ALK: variants seen among roughly 807,000 people sequenced by gnomAD.
ALK encodes the protein ALK tyrosine kinase receptor.
A neutral mutation model predicts 163.1 loss-of-function variants in ALK; 74 were observed. The observed-to-expected ratio is 0.45, with a 90% confidence interval of 0.38 to 0.55. The LOEUF is 0.55. ALK is among the 20% of genes least tolerant of loss of function. The probability of loss-of-function intolerance (pLI) is 0.00; values close to 1 mark genes in which losing one functional copy is unlikely to be tolerated. For synonymous variants in ALK, 960 were observed against 843.2 expected (o/e 1.14, Z -2.40); for missense variants, 2,063 against 2,105.3 (o/e 0.98, Z 0.39).
At chr2:29,845,207 C>T (rs1028921333) in intron 1 of ALK, among the ~76,000 whole-genome samples, 2 of 152,166 alleles carry the variant, frequency 1.3e-5, no homozygotes, top group East Asian at 1.9e-4. Flanking sequence ...TGAATTATCA[C>T]GGGCACAAGT....
rs148689464 is a variant in ALK, at chr2:29,713,904, G to A, written c.787+3674C>T. ...GCTCATATGGGCAGAACCTTTCATC[G>A]TCCTGTTTAAAAAGTTGATGTGATT... is the stretch of plus-strand genomic sequence containing the variant. On this transcript the variant is annotated intron_variant, in intron 2 of 28. Coordinates refer to ENST00000389048, the MANE Select transcript of ALK (RefSeq NM_004304.5). Among the ~76,000 whole-genome samples the A allele has an allele frequency of 4.4e-3, 666 of 150,998 alleles. 4 individuals carry two copies. Among genetic ancestry groups the A allele is most frequent in the African/African-American group, 0.015 (603 of 41,140 alleles).
At chr2:29,911,794 G>T (rs1321633179) in intron 1 of ALK, among the ~76,000 whole-genome samples, 5 of 152,126 alleles carry the variant, frequency 3.3e-5, no homozygotes, top group African/African-American at 1.2e-4. Context: ...ATTCTTAAGA[G>T]GAAAGATATC....
Position 29,477,324 on chromosome 2 carries a change from C to T in ALK, c.1154+54591G>A, listed in dbSNP as rs77367515. Reference sequence around the variant, plus strand: ...TATACCAGCTGTGTGGTCTGGGACACATTTACTTAAGCTTTCTGAGATTCC... The same window carrying T: ...TATACCAGCTGTGTGGTCTGGGACATATTTACTTAAGCTTTCTGAGATTCC... On this transcript the variant is annotated intron_variant, in intron 4 of 28. Coordinates refer to ENST00000389048, the MANE Select transcript of ALK (RefSeq NM_004304.5). Among the ~76,000 whole-genome samples, 192 of 152,276 alleles carry T rather than the reference C, an allele frequency of 1.3e-3. 1 individual carries two copies. Among genetic ancestry groups the T allele is most frequent in the African/African-American group, 4.3e-3 (177 of 41,550 alleles).
intron 1 of ALK, among the ~76,000 whole-genome samples, chr2:29,893,297 G>A (rs1667192280): frequency 1.3e-5 from 2 of 152,098 alleles, no homozygotes; most frequent in Non-Finnish European, 2.9e-5. Context: ...TTAAAGATAA[G>A]CCCATCTGCT....
chr2:29,900,101 G>T (rs1281686857), intron 1 of ALK, among the ~76,000 whole-genome samples: 2 of 152,264 alleles, frequency 1.3e-5, no homozygotes, highest in Admixed American at 1.3e-4. Context: ...AGCATTTTAA[G>T]GGGCTCTGGC....
intron 1 of ALK, among the ~76,000 whole-genome samples, chr2:29,802,684 C>A (rs1386570843): frequency 6.6e-6 from 1 of 151,576 alleles, no homozygotes; most frequent in Non-Finnish European, 1.5e-5. Context: ...TTTTCTCTAC[C>A]CATCCCCTTC....
At chr2:29,472,167 G>A (rs982758585) in intron 4 of ALK, among the ~76,000 whole-genome samples, 1 of 152,190 alleles carries the variant, frequency 6.6e-6, no homozygotes, top group Non-Finnish European at 1.5e-5. Flanking sequence ...GAGACTATAT[G>A]AGAGGCCCAA....
At chr2:29,279,581 C>A (rs555189140) in intron 9 of ALK, among the ~76,000 whole-genome samples, 2 of 152,260 alleles carry the variant, frequency 1.3e-5, no homozygotes, top group South Asian at 2.1e-4. Flanking sequence ...TGTGGATGTG[C>A]TGGCCCAGAG....
chr2:29,647,678 G>A (rs1676918821), intron 3 of ALK, among the ~76,000 whole-genome samples: 1 of 151,792 alleles, frequency 6.6e-6, no homozygotes, highest in African/African-American at 2.4e-5. Flanking sequence ...CACTTAGCTT[G>A]AATGCCCCTT....
rs570047337 is a variant in ALK, at chr2:29,220,728, A to G, written c.3623T>C (p.Leu1208Pro). 6.2e-7 allele frequency: 1 copy of G among 1,613,776 alleles called. No individual in the cohort carries two copies. Among genetic ancestry groups the G allele is most frequent in the South Asian group, 1.1e-5 (1 of 91,032 alleles). ...LMAGGDLKSFLRETRPRPSQP... is the reference protein window; with the variant it reads ...LMAGGDLKSFPRETRPRPSQP... ...CACCGGGCGAGGGCGGGTCTCTCGGAGGAAGGACTTGAGGTCTCCCCCCGC... is the reference window on the plus strand; with the variant it reads ...CACCGGGCGAGGGCGGGTCTCTCGGGGGAAGGACTTGAGGTCTCCCCCCGC... Residue 1208 changes from leucine to proline, a missense_variant, in exon 23 of 29, where the codon CTC (leucine) becomes CCC (proline). Leu to Pro is a moderately conservative substitution (Grantham distance 98). Coordinates refer to ENST00000389048, the MANE Select transcript of ALK (RefSeq NM_004304.5).
chr2:29,244,861 T>C (rs919267477), intron 12 of ALK, among the ~76,000 whole-genome samples: 2 of 152,280 alleles, frequency 1.3e-5, no homozygotes, highest in African/African-American at 4.8e-5. Context: ...ACTGGCATTG[T>C]GGACTGTTAT....
chr2:29,209,526 G>C (rs1669405356), intron 25 of ALK, among the ~76,000 whole-genome samples: 1 of 129,658 alleles, frequency 7.7e-6, no homozygotes, highest in African/African-American at 2.9e-5. Context: ...TGGGCAACAA[G>C]AGCGAAACTC....
intron 4 of ALK, among the ~76,000 whole-genome samples, chr2:29,403,427 G>A (rs1669497137): frequency 2.6e-5 from 4 of 152,120 alleles, no homozygotes. Context: ...ACCCTACTAA[G>A]CTCATGACGC....
At chr2:29,771,476 A>G (rs1297980865) in intron 1 of ALK, among the ~76,000 whole-genome samples, 1 of 152,180 alleles carries the variant, frequency 6.6e-6, no homozygotes, top group Non-Finnish European at 1.5e-5. Context: ...ACCAGAAAAC[A>G]ATGGAGTGAT....
intron 3 of ALK, among the ~76,000 whole-genome samples, chr2:29,542,146 C>A (rs1192620727): frequency 6.6e-6 from 1 of 152,160 alleles, no homozygotes; most frequent in Admixed American, 6.5e-5. Flanking sequence ...TTTCCATGAA[C>A]CTTCAGAGGG....
chr2:29,225,146 C>T (rs146959094), intron 19 of ALK, among the ~76,000 whole-genome samples: 12 of 152,220 alleles, frequency 7.9e-5, no homozygotes, highest in African/African-American at 1.7e-4. Context: ...CTAGAAGTGA[C>T]GTCTAGGGGT....
chr2:29,735,845 G>A (rs1679876834), intron 1 of ALK, among the ~76,000 whole-genome samples: 2 of 152,154 alleles, frequency 1.3e-5, no homozygotes, highest in South Asian at 2.1e-4. Flanking sequence ...GCCCTCCTCA[G>A]CCATGCAGAA....
At chr2:29,565,151 A>T (rs1674143651) in intron 3 of ALK, among the ~76,000 whole-genome samples, 1 of 152,276 alleles carries the variant, frequency 6.6e-6, no homozygotes, top group African/African-American at 2.4e-5. Context: ...ATGAAGTGAC[A>T]TTGCCCTCTG....
chr2:29,268,252 G>A (rs1665290229), intron 11 of ALK, among the ~76,000 whole-genome samples: 1 of 152,174 alleles, frequency 6.6e-6, no homozygotes, highest in Admixed American at 6.5e-5. Context: ...CTGAGTTTGG[G>A]AAGTTCTGAA....
Sources: allele counts gnomAD v4.1 joint callset (sites outside exome capture counted in the v4.1 genomes callset), GRCh38; gene constraint gnomAD v4.1.1; transcripts MANE v1.5; gene names NCBI Gene and HGNC (gene_info 2026-07-23, HGNC 2026-07-21).